NCAM1: variants seen among roughly 807,000 people sequenced by gnomAD.
NCAM1 encodes antigen recognized by monoclonal antibody 5.1H11.
In NCAM1, 14 loss-of-function variants were observed where a neutral mutation model predicts 109.8. That is an observed-to-expected ratio of 0.13 (90% CI 0.08 to 0.20). NCAM1 has a LOEUF of 0.20. Among genes scored for constraint, NCAM1 ranks in the 10% least tolerant of loss-of-function variants. The pLI, the probability that NCAM1 is intolerant of heterozygous loss-of-function variation, is 1.00. For missense variants in NCAM1, 774 were observed against 1,109.9 expected (o/e 0.70, Z 4.30); for synonymous variants, 418 against 442.9 (o/e 0.94, Z 0.70).
intron 3 of NCAM1, among the ~76,000 whole-genome samples, chr11:113,205,093 C>T (rs1474527648): frequency 6.6e-6 from 1 of 152,042 alleles, no homozygotes; most frequent in Admixed American, 6.6e-5. Context: ...TTCTGTCTGC[C>T]GTAGGAAAGT....
At chr11:113,253,353 G>A (rs536690200) in intron 15 of NCAM1, among the ~76,000 whole-genome samples, 2 of 152,232 alleles carry the variant, frequency 1.3e-5, no homozygotes, top group African/African-American at 4.8e-5. Context: ...CCCTAAAATT[G>A]GCTGAAAGTC....
At chr11:113,205,379 G>T in intron 3 of NCAM1, 144 bp from the exon 4 acceptor site, 1 of 1,029,966 alleles carries the variant, frequency 9.7e-7, no homozygotes, top group East Asian at 3.0e-5. Context: ...TCTGCCTGAC[G>T]TCTCTGAGGG....
intron 17 of NCAM1, chr11:113,264,589 C>T (rs553193911): frequency 5.5e-4 from 538 of 985,402 alleles, no homozygotes; most frequent in Non-Finnish European, 6.3e-4. Context: ...TCACCTTGGG[C>T]AGAAGTCACA....
At chr11:113,236,344 G>T (rs781948329) in intron 14 of NCAM1, 1 of 1,608,586 alleles carries the variant, frequency 6.2e-7, no homozygotes, top group Non-Finnish European at 8.5e-7. Flanking sequence ...CTCATTACCT[G>T]TTTCCATAGC....
rs187810601 is a variant in NCAM1, at chr11:113,104,830, G to A, written c.53-97549G>A. ...CTTTGGCTAGCACTTCAGATACTTC[G>A]AAAATGCCTTTGATATTTAATCAAC... is the stretch of plus-strand genomic sequence containing the variant. On this transcript the variant is annotated intron_variant, in intron 1 of 19. Coordinates refer to ENST00000316851, the MANE Select transcript of NCAM1 (RefSeq NM_181351.5). 6.3e-3 allele frequency among the ~76,000 whole-genome samples: 954 copies of A among 152,234 alleles called. 9 individuals carry two copies. The highest frequency in any genetic ancestry group is 0.011 in the Non-Finnish European group (778 of 68,010).
At chr11:113,207,738 A>G (rs372167153) in intron 6 of NCAM1, 95 bp from the exon 7 acceptor site, 1 of 1,344,218 alleles carries the variant, frequency 7.4e-7, no homozygotes, top group Admixed American at 2.2e-5. Flanking sequence ...AGTCTTTCCC[A>G]TTGACTCAGT....
At chr11:113,144,494 T>C (rs1258236033) in intron 1 of NCAM1, among the ~76,000 whole-genome samples, 1 of 152,164 alleles carries the variant, frequency 6.6e-6, no homozygotes, top group African/African-American at 2.4e-5. Flanking sequence ...TTTATTGTAA[T>C]TAGAAAAAGA....
chr11:113,175,729 T>G (rs1943124655), intron 1 of NCAM1, among the ~76,000 whole-genome samples: 5 of 152,192 alleles, frequency 3.3e-5, no homozygotes. Context: ...TCAATCATAC[T>G]CCCCACGTAT....
intron 1 of NCAM1, among the ~76,000 whole-genome samples, chr11:113,052,984 A>G (rs1008499889): frequency 6.6e-5 from 10 of 152,138 alleles, no homozygotes; most frequent in Non-Finnish European, 1.3e-4. Flanking sequence ...TGCATTTCCT[A>G]GGGCTCCCCT....
intron 1 of NCAM1, among the ~76,000 whole-genome samples, chr11:113,149,561 A>G (rs1483646270): frequency 2.6e-5 from 4 of 152,184 alleles, no homozygotes; most frequent in African/African-American, 9.7e-5. Flanking sequence ...ACTGGGTGCC[A>G]GTGATGAGAA....
chr11:113,185,500 C>T lies in NCAM1; in HGVS notation c.53-16879C>T, dbSNP rs139076898. On this transcript the variant is annotated intron_variant, in intron 1 of 19. Transcript: ENST00000316851. Reference sequence around the variant, plus strand: ...AACAATGTTTGACCAAATATCTGGGCACCTTATGGCTCAGGAAAATTGATG... The same window carrying T: ...AACAATGTTTGACCAAATATCTGGGTACCTTATGGCTCAGGAAAATTGATG... Among the ~76,000 whole-genome samples, 192 of 152,248 alleles carry T rather than the reference C, an allele frequency of 1.3e-3. 1 individual carries two copies. The Middle Eastern group carries it at 0.02, about 16-fold the overall frequency.
chr11:113,230,491 C>T (rs1555117008), intron 9 of NCAM1, among the ~76,000 whole-genome samples: 1 of 152,224 alleles, frequency 6.6e-6, no homozygotes, highest in South Asian at 2.1e-4. Context: ...TCTGCTGAGA[C>T]TGCTGAACAA....
chr11:112,961,626 A>G lies in NCAM1; in HGVS notation c.14A>G (p.Lys5Arg), dbSNP rs1555063010. ...CAGCAGATTACAATGCTGCAAACTA[A>G]GGATCTCATCTGGACTTTGTTTTTC... MLQT[K>R]DLIWTLFFLG... Residue 5 changes from lysine (K) to arginine (R), a missense_variant, in exon 1 of 20, where the codon AAG (lysine) becomes AGG (arginine). Lys to Arg is a conservative substitution (Grantham distance 26). This residue lies in a region of NCAM1 where 112 missense variants were observed against 142.0 expected (regional missense o/e 0.79). Transcript: ENST00000316851. The G allele has an allele frequency of 6.7e-7, 1 of 1,497,710 alleles. No homozygotes were observed. The allele number at this position is 1,497,710 out of a possible 1,614,324, so 92.8% of individuals were successfully genotyped here.
intron 1 of NCAM1, among the ~76,000 whole-genome samples, chr11:113,095,827 CCGA>C (rs1373519029): frequency 6.6e-6 from 1 of 152,166 alleles, no homozygotes; most frequent in Admixed American, 6.5e-5. Flanking sequence ...TCACCTCCTA[CCGA>C]CTGTGTGACC....
intron 1 of NCAM1, among the ~76,000 whole-genome samples, chr11:113,054,575 C>T (rs1160250101): frequency 3.3e-5 from 5 of 152,192 alleles, no homozygotes; most frequent in African/African-American, 1.2e-4. Context: ...CTGGAGAATT[C>T]TCTCCTTATT....
chr11:113,073,396 GA>G (rs1938381064), intron 1 of NCAM1, among the ~76,000 whole-genome samples: 1 of 152,218 alleles, frequency 6.6e-6, no homozygotes. Flanking sequence ...GCTATGTGTA[GA>G]AAAGTTATCT....
At chr11:113,004,046 C>T (rs552170667) in intron 1 of NCAM1, among the ~76,000 whole-genome samples, 21 of 152,232 alleles carry the variant, frequency 1.4e-4, no homozygotes, top group Admixed American at 3.9e-4. Context: ...ATCATTGTTG[C>T]GCATGCTTTC....
intron 14 of NCAM1, chr11:113,240,579 GCA>G (rs1465302035): frequency 5.2e-6 from 3 of 578,060 alleles, no homozygotes; most frequent in African/African-American, 3.8e-5. Flanking sequence ...TTTGGCAGGT[GCA>G]CAGTCTCAAG....
At chr11:113,239,550 G>T (rs1945268332) in intron 14 of NCAM1, among the ~76,000 whole-genome samples, 1 of 130,046 alleles carries the variant, frequency 7.7e-6, no homozygotes, top group South Asian at 2.4e-4. Context: ...CTGTCGCCCA[G>T]GCTGGAGTGC....
Sources: allele counts gnomAD v4.1 joint callset (sites outside exome capture counted in the v4.1 genomes callset), GRCh38; gene constraint gnomAD v4.1.1; regional missense constraint gnomAD v4.1.1; transcripts MANE v1.5; gene names NCBI Gene and HGNC (gene_info 2026-07-23, HGNC 2026-07-21).